ITGB6: variants seen among roughly 807,000 people sequenced by gnomAD.
The protein encoded by ITGB6 is integrin subunit beta 6.
Under a neutral mutation model 84.5 loss-of-function variants are expected in ITGB6, and 80 were observed. The ratio of observed to expected loss-of-function variants is 0.95; its 90% confidence interval spans 0.79 to 1.14. The LOEUF is 1.14. Among genes scored for constraint, ITGB6 ranks in the 50% most tolerant of loss-of-function variants. The pLI, the probability that ITGB6 is intolerant of heterozygous loss-of-function variation, is 0.00. For missense variants in ITGB6, 1,006 were observed against 968.0 expected (o/e 1.04, Z -0.52); for synonymous variants, 383 against 354.9 (o/e 1.08, Z -0.89).
intron 12 of ITGB6, among the ~76,000 whole-genome samples, chr2:160,114,192 A>G (rs1682659853): frequency 6.6e-6 from 1 of 152,120 alleles, no homozygotes; most frequent in Non-Finnish European, 1.5e-5. Context: ...ATGTTGCTTT[A>G]ATTACTTCAC....
At chr2:160,127,560 G>T (rs1428021387) in intron 10 of ITGB6, among the ~76,000 whole-genome samples, 1 of 152,142 alleles carries the variant, frequency 6.6e-6, no homozygotes, top group Non-Finnish European at 1.5e-5. Context: ...ATAAAACCAA[G>T]CTGTGGCCTG....
At chr2:160,148,028 C>A (rs1684266220) in intron 7 of ITGB6, among the ~76,000 whole-genome samples, 1 of 152,062 alleles carries the variant, frequency 6.6e-6, no homozygotes, top group Admixed American at 6.5e-5. Context: ...AACAAGAAAA[C>A]AAGTCATGGA....
intron 7 of ITGB6, among the ~76,000 whole-genome samples, chr2:160,162,249 A>G (rs1292259304): frequency 6.6e-6 from 1 of 152,202 alleles, no homozygotes; most frequent in Non-Finnish European, 1.5e-5. Context: ...ATATAATAAA[A>G]AACCCCAAAT....
intron 4 of ITGB6, among the ~76,000 whole-genome samples, chr2:160,192,476 G>A (rs1686180144): frequency 6.6e-6 from 1 of 152,100 alleles, no homozygotes; most frequent in African/African-American, 2.4e-5. Flanking sequence ...AAACTAATCT[G>A]AGATCAGAAG....
intron 2 of ITGB6, among the ~76,000 whole-genome samples, chr2:160,198,269 T>A (rs1265362622): frequency 6.6e-6 from 1 of 152,240 alleles, no homozygotes; most frequent in South Asian, 2.1e-4. Flanking sequence ...GACTGAGCTG[T>A]GTCTGTGCTC....
intron 7 of ITGB6, among the ~76,000 whole-genome samples, chr2:160,142,478 G>A (rs566066626): frequency 7.2e-5 from 11 of 152,320 alleles, no homozygotes; most frequent in African/African-American, 2.6e-4. Context: ...TGGTGCACAT[G>A]GGCAATGAGG....
intron 7 of ITGB6, among the ~76,000 whole-genome samples, chr2:160,163,631 C>CAAAAA (rs11335168): frequency 7.2e-6 from 1 of 137,982 alleles, no homozygotes. Context: ...GACTTTGTCT[C>CAAAAA]AAAAAAAAAA....
intron 4 of ITGB6, among the ~76,000 whole-genome samples, chr2:160,183,566 T>A: frequency 6.6e-6 from 1 of 152,104 alleles, no homozygotes; most frequent in South Asian, 2.1e-4. Context: ...CCACTGTCAA[T>A]ATTAGACAGA....
chr2:160,132,590 A>G (rs1204079155), intron 10 of ITGB6, among the ~76,000 whole-genome samples: 7 of 152,156 alleles, frequency 4.6e-5, no homozygotes, highest in African/African-American at 1.7e-4. Flanking sequence ...CTGCTTACAT[A>G]GTGTGAAGAA....
At chr2:160,145,261 GA>G (rs1684144822) in intron 7 of ITGB6, among the ~76,000 whole-genome samples, 1 of 152,172 alleles carries the variant, frequency 6.6e-6, no homozygotes, top group African/African-American at 2.4e-5. Flanking sequence ...GAGCTGATTA[GA>G]AATGCAAGCT....
At chr2:160,181,840 GGCAAACAGGGTCTGGAGTGGACCTCCA>G (rs1429785440) in intron 4 of ITGB6, among the ~76,000 whole-genome samples, 17 of 152,332 alleles carry the variant, frequency 1.1e-4, no homozygotes, top group African/African-American at 3.8e-4. Context: ...GTGATACCCA[GGCAAACAGGGTCTGGAGTGGACCTCCA>G]GCAAACTTCA....
At position 160,199,530 on chromosome 2, in the gene ITGB6, T is replaced by C. The variant is rs143793334; in HGVS notation, c.62-272A>G. ...CTTAAAATGTGAAAGTTCACAAATA[T>C]AGGATTATCCTATTTATTATTCTTA... On this transcript the variant is annotated intron_variant, in intron 1 of 14. Transcript: ENST00000283249. Among the ~76,000 whole-genome samples, 86 of 152,362 alleles carry C rather than the reference T, an allele frequency of 5.6e-4. No homozygotes were observed. The East Asian group carries it at 0.012, about 22-fold the overall frequency.
At chr2:160,199,351 A>T (rs1686465861) in intron 1 of ITGB6, 93 bp from the exon 2 acceptor site, 16 of 912,104 alleles carry the variant, frequency 1.8e-5, no homozygotes, top group Non-Finnish European at 2.7e-5. Context: ...TGAACAAAAC[A>T]ACATCAAAGT....
intron 5 of ITGB6, 78 bp from the exon 6 acceptor site, chr2:160,172,808 C>T: frequency 8.9e-7 from 1 of 1,127,936 alleles, no homozygotes; most frequent in Middle Eastern, 2.0e-4. Flanking sequence ...TATGCTTGGA[C>T]ACATTTAGGT....
chr2:160,177,901 A>T (rs1244976548), intron 4 of ITGB6, among the ~76,000 whole-genome samples: 1 of 152,066 alleles, frequency 6.6e-6, no homozygotes, highest in Non-Finnish European at 1.5e-5. Context: ...TTGGAGATGG[A>T]GTCTCACTCT....
intron 7 of ITGB6, among the ~76,000 whole-genome samples, chr2:160,148,332 T>C (rs899709399): frequency 2.6e-5 from 4 of 152,162 alleles, no homozygotes; most frequent in Admixed American, 6.5e-5. Context: ...TGTGGAGCAA[T>C]AGGAATTCTC....
At chr2:160,146,327 T>C (rs1684185695) in intron 7 of ITGB6, among the ~76,000 whole-genome samples, 2 of 152,206 alleles carry the variant, frequency 1.3e-5, no homozygotes, top group Admixed American at 1.3e-4. Flanking sequence ...TAAAACCAAA[T>C]GCTCAGAGCA....
At chr2:160,171,658 C>T (rs369682957) in intron 6 of ITGB6, among the ~76,000 whole-genome samples, 14 of 152,126 alleles carry the variant, frequency 9.2e-5, no homozygotes, top group Non-Finnish European at 1.8e-4. Flanking sequence ...TAGTTGGCAC[C>T]CACTGTGTTA....
intron 13 of ITGB6, among the ~76,000 whole-genome samples, chr2:160,111,214 T>C (rs1263431186): frequency 6.6e-6 from 1 of 152,168 alleles, no homozygotes; most frequent in African/African-American, 2.4e-5. Context: ...CGTTTTTGTT[T>C]TTGAAACTCG....
Sources: allele counts gnomAD v4.1 joint callset (sites outside exome capture counted in the v4.1 genomes callset), GRCh38; gene constraint gnomAD v4.1.1; transcripts MANE v1.5; gene names NCBI Gene and HGNC (gene_info 2026-07-23, HGNC 2026-07-21).